Variants in NAALADL2 observed in about 807,000 individuals in gnomAD.
The protein encoded by NAALADL2 is N-acetylated alpha-linked acidic dipeptidase like 2.
In NAALADL2, 76 loss-of-function variants were observed where a neutral mutation model predicts 87.2. The ratio of observed to expected loss-of-function variants is 0.87; its 90% CI spans 0.72 to 1.05. The LOEUF is 1.05. NAALADL2 is among the 50% of genes least tolerant of loss of function. NAALADL2 has a pLI of 0.00. For missense variants in NAALADL2, 1,089 were observed against 945.8 expected (o/e 1.15, Z -1.99); for synonymous variants, 354 against 331.0 (o/e 1.07, Z -0.75).
At chr3:175,416,506 T>C (rs992359501) in intron 5 of NAALADL2, among the ~76,000 whole-genome samples, 1 of 152,196 alleles carries the variant, frequency 6.6e-6, no homozygotes, top group Admixed American at 6.6e-5. Flanking sequence ...ATTGTGTTTA[T>C]CATAACAGTA....
intron 4 of NAALADL2, among the ~76,000 whole-genome samples, chr3:175,260,733 C>T (rs1202445656): frequency 6.6e-6 from 1 of 152,072 alleles, no homozygotes; most frequent in Non-Finnish European, 1.5e-5. Flanking sequence ...GTTACTAAAT[C>T]AGCGTTTAAA....
chr3:175,269,891 G>C (rs1165892630), intron 4 of NAALADL2, among the ~76,000 whole-genome samples: 1 of 152,082 alleles, frequency 6.6e-6, no homozygotes, highest in Non-Finnish European at 1.5e-5. Context: ...TATGTTTTCA[G>C]ATTACTTTCA....
At chr3:175,287,887 G>A (rs148338267) in intron 4 of NAALADL2, among the ~76,000 whole-genome samples, 275 of 152,128 alleles carry the variant, frequency 1.8e-3, no homozygotes, top group African/African-American at 6.3e-3. Context: ...GGAGTAACTT[G>A]CTCTATTTTC....
chr3:174,609,803 G>T (rs1031857745), intron 2 of NAALADL2, among the ~76,000 whole-genome samples: 34 of 152,176 alleles, frequency 2.2e-4, no homozygotes, highest in African/African-American at 8.2e-4. Flanking sequence ...TCACAGAATT[G>T]GAAAAAACTA....
At chr3:175,263,052 C>A (rs1751352465) in intron 4 of NAALADL2, among the ~76,000 whole-genome samples, 1 of 150,732 alleles carries the variant, frequency 6.6e-6, no homozygotes, top group Admixed American at 6.6e-5. Context: ...TTCTAAGACT[C>A]CAGAGCTGCT....
intron 1 of NAALADL2, among the ~76,000 whole-genome samples, chr3:174,898,112 CA>C (rs913382744): frequency 7.0e-3 from 102 of 14,484 alleles, no homozygotes; most frequent in Middle Eastern, 0.17. Flanking sequence ...GACTCCGTCT[CA>C]AAAAAAAAAA....
intron 2 of NAALADL2, among the ~76,000 whole-genome samples, chr3:174,635,062 A>T (rs115299290): frequency 7.2e-5 from 11 of 152,210 alleles, no homozygotes; most frequent in African/African-American, 2.7e-4. Flanking sequence ...GTTTTATGGT[A>T]CACATTCCCA....
intron 10 of NAALADL2, among the ~76,000 whole-genome samples, chr3:175,626,602 C>T (rs975157765): frequency 6.6e-6 from 1 of 151,804 alleles, no homozygotes; most frequent in African/African-American, 2.4e-5. Flanking sequence ...TAATTTTCAC[C>T]GTAATCTTAT....
At chr3:175,787,356 T>C (rs1752161222) in intron 13 of NAALADL2, among the ~76,000 whole-genome samples, 1 of 152,154 alleles carries the variant, frequency 6.6e-6, no homozygotes. Flanking sequence ...GTGCTAGCAA[T>C]CAGTGAGACT....
At chr3:174,674,158 CAGG>C (rs534258886) in intron 2 of NAALADL2, among the ~76,000 whole-genome samples, 286 of 151,962 alleles carry the variant, frequency 1.9e-3, no homozygotes, top group African/African-American at 6.8e-3. Context: ...ATGGTAAAAG[CAGG>C]AGGAAGAGAG....
At chr3:175,693,086 A>G (rs1263169540) in intron 11 of NAALADL2, among the ~76,000 whole-genome samples, 1 of 152,186 alleles carries the variant, frequency 6.6e-6, no homozygotes, top group Admixed American at 6.5e-5. Context: ...ATTTGGAAGC[A>G]TGGTCTTCTA....
chr3:175,658,066 T>A (rs1482356626), intron 11 of NAALADL2, among the ~76,000 whole-genome samples: 3 of 152,046 alleles, frequency 2.0e-5, no homozygotes, highest in African/African-American at 7.2e-5. Flanking sequence ...AAATTTGTGA[T>A]TCTGTGGTAG....
rs1201397397 is a variant in NAALADL2, at chr3:175,807,428, T to C, written c.*4225T>C. 6.6e-6 allele frequency: 1 copy of C among 151,912 alleles called. No homozygotes were observed. 9.4% of individuals were successfully genotyped at this position (151,912 alleles called of 1,614,324 possible). ...TATTTGTATGATAAATTGGTAGACC[T>C]AGCCAAAAATGTTCTCATGAGACAT... On this transcript the variant is annotated 3_prime_UTR_variant, in exon 14 of 14. Coordinates refer to ENST00000454872, the MANE Select transcript of NAALADL2 (RefSeq NM_207015.3).
At chr3:174,603,163 T>G (rs1388961353) in intron 2 of NAALADL2, among the ~76,000 whole-genome samples, 7 of 152,100 alleles carry the variant, frequency 4.6e-5, no homozygotes, top group Admixed American at 2.0e-4. Flanking sequence ...CCTGTATTTC[T>G]TGAATAGTTT....
chr3:175,545,107 G>T (rs1713073634), intron 9 of NAALADL2, among the ~76,000 whole-genome samples: 1 of 152,042 alleles, frequency 6.6e-6, no homozygotes. Flanking sequence ...TTATTAGAGA[G>T]GCCAGCAGAT....
intron 1 of NAALADL2, among the ~76,000 whole-genome samples, chr3:174,479,878 G>A (rs1229375475): frequency 6.6e-6 from 1 of 151,970 alleles, no homozygotes; most frequent in East Asian, 1.9e-4. Context: ...GAATTATCTT[G>A]AGAATGGTTT....
At chr3:175,691,571 G>T (rs546536884) in intron 11 of NAALADL2, among the ~76,000 whole-genome samples, 100 of 151,766 alleles carry the variant, frequency 6.6e-4, no homozygotes, top group African/African-American at 2.3e-3. Flanking sequence ...TCTCTTCCTT[G>T]TCAATTTTTA....
intron 1 of NAALADL2, among the ~76,000 whole-genome samples, chr3:174,972,953 G>A (rs987601098): frequency 6.8e-6 from 1 of 147,346 alleles, no homozygotes; most frequent in Admixed American, 6.8e-5. Context: ...CTGAGATCGT[G>A]CCATTGCACT....
chr3:174,707,958 T>G (rs926884519), intron 2 of NAALADL2, among the ~76,000 whole-genome samples: 27 of 152,184 alleles, frequency 1.8e-4, no homozygotes, highest in African/African-American at 6.5e-4. Flanking sequence ...GATAGTTCCA[T>G]AAACATACTA....
Sources: allele counts gnomAD v4.1 joint callset (sites outside exome capture counted in the v4.1 genomes callset), GRCh38; gene constraint gnomAD v4.1.1; transcripts MANE v1.5; gene names NCBI Gene and HGNC (gene_info 2026-07-23, HGNC 2026-07-21).